Variants in PPP1R16B observed in about 807,000 individuals in gnomAD.
PPP1R16B encodes protein phosphatase 1 regulatory subunit 16B.
PPP1R16B carries 14 observed loss-of-function variants against 61.7 expected under a neutral mutation model. That is an observed-to-expected ratio of 0.23 (90% CI 0.15 to 0.35). The LOEUF is 0.35. Among genes scored for constraint, PPP1R16B ranks in the 10% least tolerant of loss-of-function variants. The pLI, the probability that PPP1R16B is intolerant of heterozygous loss-of-function variation, is 1.00. For missense variants in PPP1R16B, 547 were observed against 752.5 expected (o/e 0.73, Z 3.19); for synonymous variants, 266 against 305.3 (o/e 0.87, Z 1.34).
chr20:38,861,897 G>A (rs1222675486), intron 2 of PPP1R16B, among the ~76,000 whole-genome samples: 1 of 151,780 alleles, frequency 6.6e-6, no homozygotes, highest in Non-Finnish European at 1.5e-5. Context: ...GGCTCGTCTC[G>A]AACTCCTCAG....
intron 5 of PPP1R16B, among the ~76,000 whole-genome samples, chr20:38,901,856 T>C (rs1333023686): frequency 6.6e-6 from 1 of 152,220 alleles, no homozygotes; most frequent in East Asian, 1.9e-4. Context: ...GATATGAAAA[T>C]AGCTATAGTA....
chr20:38,846,982 A>G (rs2084939456), intron 2 of PPP1R16B, among the ~76,000 whole-genome samples: 1 of 152,172 alleles, frequency 6.6e-6, no homozygotes, highest in South Asian at 2.1e-4. Flanking sequence ...AGCCCAGGTA[A>G]CAGAGTGAGA....
At chr20:38,897,340 G>A (rs114824167) in intron 4 of PPP1R16B, among the ~76,000 whole-genome samples, 281 of 152,250 alleles carry the variant, frequency 1.8e-3, no homozygotes, top group African/African-American at 6.4e-3. Context: ...AAAACAAGAA[G>A]TGGATTCATA....
intron 2 of PPP1R16B, among the ~76,000 whole-genome samples, chr20:38,861,668 T>G (rs948925088): frequency 5.4e-5 from 8 of 148,686 alleles, no homozygotes; most frequent in Middle Eastern, 6.5e-3. Context: ...CCTGCTGCAG[T>G]TCTTCTTTTT....
intron 2 of PPP1R16B, among the ~76,000 whole-genome samples, chr20:38,837,395 T>C (rs2084878965): frequency 6.6e-6 from 1 of 152,144 alleles, no homozygotes. Context: ...TTATTTACAT[T>C]ATCAAAGGAT....
At position 38,902,787 on chromosome 20, in the gene PPP1R16B, A is replaced by G. The variant is rs1168341035; in HGVS notation, c.691A>G (p.Thr231Ala). The change falls in exon 6 of 11, where the codon ACA (threonine) becomes GCA (alanine). Residue 231 changes from threonine (T) to alanine (A), a missense_variant. Physicochemically the swap from Thr to Ala is moderately conservative, Grantham distance 58. Coordinates refer to ENST00000299824, the MANE Select transcript of PPP1R16B (RefSeq NM_015568.4). ...DLDWIDAQGA[T>A]LLHIAGANGY... is the part of the protein sequence containing the mutation. ...GGACTGGATAGATGCCCAGGGTGCC[A>G]CACTGGTGAGGAGATGGGCCAGTAC... 1 of 1,614,182 alleles carries G rather than the reference A, an allele frequency of 6.2e-7. No homozygotes were observed. Among genetic ancestry groups the G allele is most frequent in the Admixed American group, 1.7e-5 (1 of 60,024 alleles).
chr20:38,860,003 C>T (rs998481771), intron 2 of PPP1R16B, among the ~76,000 whole-genome samples: 3 of 151,974 alleles, frequency 2.0e-5, no homozygotes, highest in Non-Finnish European at 4.4e-5. Context: ...GATGGAGTTT[C>T]ACCCTTGTCA....
At position 38,872,244 on chromosome 20, in the gene PPP1R16B, C is replaced by T. The variant is rs145945308; in HGVS notation, c.251-17351C>T. On this transcript the variant is annotated intron_variant, in intron 2 of 10. Coordinates refer to ENST00000299824, the MANE Select transcript of PPP1R16B (RefSeq NM_015568.4). ...TGAATGCCTCCTGCACTGGGTGTGA[C>T]GGCTGGGCAGAGACTCTGCTTGGAG... 8.5e-5 allele frequency among the ~76,000 whole-genome samples: 13 copies of T among 152,216 alleles called. No individual in the cohort carries two copies. The East Asian group carries it at 1.5e-3, about 18-fold the overall frequency.
At chr20:38,809,203 C>T (rs1290892718) in intron 1 of PPP1R16B, among the ~76,000 whole-genome samples, 1 of 150,632 alleles carries the variant, frequency 6.6e-6, no homozygotes, top group Admixed American at 6.6e-5. Flanking sequence ...TCTCTTCTGC[C>T]TGTAGCCATC....
intron 2 of PPP1R16B, among the ~76,000 whole-genome samples, chr20:38,854,396 A>G (rs4812320): frequency 0.69 from 104,915 of 152,148 alleles, 36,563 homozygotes; most frequent in African/African-American, 0.78. Flanking sequence ...AATAATTGGG[A>G]TTAAAGTCTG....
intron 1 of PPP1R16B, among the ~76,000 whole-genome samples, chr20:38,821,424 GC>G (rs1390966785): frequency 6.6e-6 from 1 of 152,240 alleles, no homozygotes; most frequent in East Asian, 1.9e-4. Flanking sequence ...AGATGCCACA[GC>G]AGGACTTTCA....
intron 1 of PPP1R16B, among the ~76,000 whole-genome samples, chr20:38,832,822 G>T (rs1282614194): frequency 6.6e-6 from 1 of 151,766 alleles, no homozygotes; most frequent in Non-Finnish European, 1.5e-5. Context: ...GGAGGCTGAG[G>T]TGGGAGAATC....
chr20:38,892,763 G>C (rs1176449536), intron 3 of PPP1R16B, among the ~76,000 whole-genome samples: 1 of 152,178 alleles, frequency 6.6e-6, no homozygotes, highest in Non-Finnish European at 1.5e-5. Context: ...TAAGAGGAAG[G>C]GATATCTGAG....
intron 2 of PPP1R16B, among the ~76,000 whole-genome samples, chr20:38,851,848 G>T (rs2084970875): frequency 6.6e-6 from 1 of 152,164 alleles, no homozygotes; most frequent in Non-Finnish European, 1.5e-5. Context: ...TATTGAGACT[G>T]TATCTCTACC....
intron 1 of PPP1R16B, among the ~76,000 whole-genome samples, chr20:38,808,539 A>T (rs1015239627): frequency 6.6e-6 from 1 of 152,212 alleles, no homozygotes; most frequent in Non-Finnish European, 1.5e-5. Context: ...CCTGCCTCTT[A>T]CAGAAAGCTA....
intron 10 of PPP1R16B, among the ~76,000 whole-genome samples, chr20:38,911,171 CTTT>C (rs1260598259): frequency 8.0e-6 from 1 of 125,246 alleles, no homozygotes. Flanking sequence ...TTTTCTTTTT[CTTT>C]TTTTTTTTTT....
Position 38,835,982 on chromosome 20 carries a change from G to C in PPP1R16B, c.57G>C (p.Thr19=). ...TGCAGCTGCTGGAGAAGGTGCCCAC[G>C]CTGGAGCGGCTGCGGGCTGCCCAGA... ...TELQLLEKVP[T]LERLRAAQKR... Residue 19 remains threonine, a synonymous_variant, in exon 2 of 11, where the codon ACG becomes ACC. Coordinates refer to ENST00000299824, the MANE Select transcript of PPP1R16B (RefSeq NM_015568.4). 1 of 1,554,842 alleles carries C rather than the reference G, an allele frequency of 6.4e-7. No individual in the cohort carries two copies. Among genetic ancestry groups the C allele is most frequent in the Non-Finnish European group, 8.7e-7 (1 of 1,150,828 alleles).
intron 2 of PPP1R16B, among the ~76,000 whole-genome samples, chr20:38,866,160 A>AATAT (rs1420764642): frequency 6.6e-6 from 1 of 152,058 alleles, no homozygotes; most frequent in Non-Finnish European, 1.5e-5. Flanking sequence ...TAAATAAATA[A>AATAT]TAAAAATTCG....
intron 2 of PPP1R16B, among the ~76,000 whole-genome samples, chr20:38,885,281 A>G (rs2085236517): frequency 6.6e-6 from 1 of 152,154 alleles, no homozygotes; most frequent in Admixed American, 6.5e-5. Flanking sequence ...TCAGGGAGCC[A>G]GGTTTACATT....
Sources: gnomAD v4.1 joint callset for allele counts (sites outside exome capture counted in the v4.1 genomes callset) on GRCh38, gnomAD v4.1.1 for gene constraint, MANE v1.5 for transcripts, NCBI Gene and HGNC (gene_info 2026-07-23, HGNC 2026-07-21) for gene names.